SIPA1L2: variants seen among roughly 807,000 people sequenced by gnomAD.
SIPA1L2 encodes signal induced proliferation associated 1 like 2.
SIPA1L2 carries 56 observed loss-of-function variants against 163.9 expected under a neutral mutation model. The observed-to-expected ratio is 0.34, with a 90% CI of 0.28 to 0.43. The LOEUF (loss-of-function observed/expected upper bound fraction) is 0.43, where lower values mean the gene tolerates loss of function less well. Ranked by LOEUF, SIPA1L2 falls within the 20% of genes least tolerant of loss-of-function variation. The probability of loss-of-function intolerance (pLI) is 1.00; values close to 1 mark genes in which losing one functional copy is unlikely to be tolerated. For missense variants in SIPA1L2, 1,974 were observed against 2,193.5 expected (o/e 0.90, Z 2.00); for synonymous variants, 877 against 865.7 (o/e 1.01, Z -0.23).
intron 19 of SIPA1L2, among the ~76,000 whole-genome samples, chr1:232,408,036 G>C (rs557291863): frequency 6.6e-6 from 1 of 152,096 alleles, no homozygotes; most frequent in Admixed American, 6.6e-5. Flanking sequence ...ATGATTCTAC[G>C]TAACAAAGGG....
chr1:232,494,279 A>G (rs1666069402), intron 3 of SIPA1L2, among the ~76,000 whole-genome samples: 1 of 152,264 alleles, frequency 6.6e-6, no homozygotes, highest in Non-Finnish European at 1.5e-5. Context: ...CACAAATCCT[A>G]TAACTTGGTT....
chr1:232,446,638 C>T lies in SIPA1L2; in HGVS notation c.3096-852G>A, dbSNP rs138546446. ...GTCTTAGTGACCAAAAGAACTAGGC[C>T]ATGTCTGTGTTCAACATATGGGAGT... On this transcript the variant is annotated intron_variant, in intron 10 of 22. Transcript: ENST00000674635. Among the ~76,000 whole-genome samples, 27 of 152,340 alleles carry T rather than the reference C, an allele frequency of 1.8e-4. 1 individual carries two copies. The East Asian group carries it at 4.2e-3, about 24-fold the overall frequency.
intron 2 of SIPA1L2, among the ~76,000 whole-genome samples, chr1:232,553,065 G>A (rs1180516919): frequency 6.6e-6 from 1 of 152,216 alleles, no homozygotes; most frequent in Non-Finnish European, 1.5e-5. Context: ...CTTGTCTGGA[G>A]TCCAGGAAGC....
chr1:232,422,954 T>C (rs1473951795), intron 18 of SIPA1L2, among the ~76,000 whole-genome samples: 2 of 152,158 alleles, frequency 1.3e-5, no homozygotes, highest in African/African-American at 4.8e-5. Context: ...CTTGAGTAGA[T>C]CTTAATGGTG....
At chr1:232,424,422 A>C (rs1232494622) in intron 18 of SIPA1L2, among the ~76,000 whole-genome samples, 1 of 151,852 alleles carries the variant, frequency 6.6e-6, no homozygotes, top group Non-Finnish European at 1.5e-5. Flanking sequence ...CGTACCACAG[A>C]GAGTTCACAA....
At chr1:232,571,979 T>C (rs1408481991) in intron 2 of SIPA1L2, among the ~76,000 whole-genome samples, 4 of 152,192 alleles carry the variant, frequency 2.6e-5, no homozygotes, top group Non-Finnish European at 1.5e-5. Flanking sequence ...GCTAACACAA[T>C]GCATCACAAA....
At chr1:232,521,242 T>C (rs1171145450) in intron 2 of SIPA1L2, among the ~76,000 whole-genome samples, 1 of 152,174 alleles carries the variant, frequency 6.6e-6, no homozygotes, top group Non-Finnish European at 1.5e-5. Flanking sequence ...TGCTGGAAAG[T>C]TCACACTGGT....
rs1273566422 is a variant in SIPA1L2, at chr1:232,460,094, G to A, written c.3095+793C>T. ...ATTTGGGAATGAAGATAGAGGGAAGGTGCTCTAGATACTACCACCAGTCAT... is the reference window on the plus strand; with the variant it reads ...ATTTGGGAATGAAGATAGAGGGAAGATGCTCTAGATACTACCACCAGTCAT... On this transcript the variant is annotated intron_variant, in intron 10 of 22. Transcript: ENST00000674635. Among the ~76,000 whole-genome samples the A allele has an allele frequency of 2.0e-5, 3 of 152,126 alleles. No homozygotes were observed. In the East Asian group the frequency reaches 5.8e-4, roughly 29 times the overall value.
At chr1:232,467,945 C>T (rs1199865621) in intron 8 of SIPA1L2, among the ~76,000 whole-genome samples, 2 of 152,136 alleles carry the variant, frequency 1.3e-5, no homozygotes, top group Non-Finnish European at 2.9e-5. Context: ...ATTATAGACC[C>T]TAATATCTAA....
In SIPA1L2 at chr1:232,445,597, C is replaced by T. The variant is rs1228746620; in HGVS notation, c.3285G>A (p.Leu1095=). 1.9e-6 allele frequency: 3 copies of T among 1,613,906 alleles called. No individual in the cohort carries two copies. Among genetic ancestry groups the T allele is most frequent in the African/African-American group, 1.3e-5 (1 of 75,046 alleles). ...GTPDRLPCQQ[L]LQQAQAAIPR... is the part of the protein sequence containing the mutation. ...GAATGGCAGCCTGGGCCTGCTGGAGCAGCTGTTGGCACGGCAGCCGGTCGG... is the reference window on the plus strand; with the variant it reads ...GAATGGCAGCCTGGGCCTGCTGGAGTAGCTGTTGGCACGGCAGCCGGTCGG... Residue 1095 remains leucine, a synonymous_variant, in exon 11 of 23, where the codon CTG becomes CTA. Transcript: ENST00000674635.
In SIPA1L2 at chr1:232,425,614, G is replaced by T; in HGVS notation, c.4605C>A (p.Pro1535=). 1.9e-6 allele frequency: 3 copies of T among 1,605,190 alleles called. No individual in the cohort carries two copies. The highest frequency in any genetic ancestry group is 1.7e-6 in the Non-Finnish European group (2 of 1,175,908). Residue 1535 remains proline, a synonymous_variant, in exon 18 of 23, where the codon CCC becomes CCA. Coordinates refer to ENST00000674635, the MANE Select transcript of SIPA1L2 (RefSeq NM_020808.5). The part of the protein sequence containing the change: ...YHSTLPPRAH[P]APSMGSLRNE... ...TTCTCAGGCTCCCCATGCTGGGTGCGGGGTGGGCCCGCGGAGGCAGCGTGC... is the reference window on the plus strand; with the variant it reads ...TTCTCAGGCTCCCCATGCTGGGTGCTGGGTGGGCCCGCGGAGGCAGCGTGC...
intron 3 of SIPA1L2, among the ~76,000 whole-genome samples, chr1:232,498,313 T>TG (rs1299193759): frequency 1.3e-5 from 2 of 152,222 alleles, no homozygotes; most frequent in African/African-American, 2.4e-5. Flanking sequence ...TGAAGCATCT[T>TG]GGAGGCTGCA....
At chr1:232,622,423 GAGAGCTAAAGGACTAC>G (rs1407451277) in intron 1 of SIPA1L2, among the ~76,000 whole-genome samples, 1 of 152,204 alleles carries the variant, frequency 6.6e-6, no homozygotes, top group Non-Finnish European at 1.5e-5. Context: ...CTAATGGACT[GAGAGCTAAAGGACTAC>G]AGACAGTACT....
At chr1:232,428,302 G>A (rs912679400) in intron 17 of SIPA1L2, 109 bp downstream of exon 17, 6 of 958,416 alleles carry the variant, frequency 6.3e-6, no homozygotes, top group Non-Finnish European at 8.7e-6. Context: ...AGGGTCATGA[G>A]AGATGAAGCA....
intron 8 of SIPA1L2, among the ~76,000 whole-genome samples, chr1:232,466,099 G>C (rs1664499154): frequency 6.6e-6 from 1 of 152,164 alleles, no homozygotes; most frequent in African/African-American, 2.4e-5. Flanking sequence ...ACAGCATGTG[G>C]AATAAGCAGG....
At chr1:232,417,116 C>A (rs372536022) in intron 18 of SIPA1L2, among the ~76,000 whole-genome samples, 1 of 152,110 alleles carries the variant, frequency 6.6e-6, no homozygotes. Flanking sequence ...CATAATTAAC[C>A]AAATGCACCT....
intron 1 of SIPA1L2, among the ~76,000 whole-genome samples, chr1:232,592,732 A>G (rs1251178463): frequency 2.0e-5 from 3 of 152,082 alleles, no homozygotes; most frequent in Non-Finnish European, 4.4e-5. Flanking sequence ...AAAACTTGTA[A>G]TAAAACTAAT....
intron 1 of SIPA1L2, among the ~76,000 whole-genome samples, chr1:232,594,322 AG>A (rs1202885073): frequency 6.6e-6 from 1 of 152,212 alleles, no homozygotes; most frequent in Non-Finnish European, 1.5e-5. Context: ...GGAAAAAGCA[AG>A]GAATAAAAAT....
intron 2 of SIPA1L2, among the ~76,000 whole-genome samples, chr1:232,534,075 T>C (rs1657154774): frequency 2.0e-5 from 3 of 151,212 alleles, no homozygotes; most frequent in African/African-American, 7.3e-5. Flanking sequence ...GGACCCCAAA[T>C]AGCCAAAACA....
Sources: allele counts gnomAD v4.1 joint callset (sites outside exome capture counted in the v4.1 genomes callset), GRCh38; gene constraint gnomAD v4.1.1; transcripts MANE v1.5; gene names NCBI Gene and HGNC (gene_info 2026-07-23, HGNC 2026-07-21).